Variants in LYST observed in about 807,000 individuals in gnomAD.
LYST encodes the protein lysosomal trafficking regulator.
In LYST, 192 loss-of-function variants were observed where a neutral mutation model predicts 413.6. That is an observed-to-expected ratio of 0.46 (90% CI 0.41 to 0.52). The LOEUF is 0.52. Among genes scored for constraint, LYST ranks in the 20% least tolerant of loss-of-function variants. The pLI is 0.00. For synonymous variants in LYST, 1,525 were observed against 1,567.3 expected, an observed-to-expected ratio of 0.97 and a Z score of 0.64; for missense variants, 3,815 against 4,499.9, an observed-to-expected ratio of 0.85 and a Z score of 4.35.
At chr1:235,830,495 T>C in intron 2 of LYST, 71 bp from the exon 3 acceptor site, 1 of 1,228,544 alleles carries the variant, frequency 8.1e-7, no homozygotes, top group Non-Finnish European at 1.2e-6. Context: ...AACTATGTGT[T>C]TTTGTTGTTT....
At chr1:235,781,806 G>T in intron 15 of LYST, 121 bp downstream of exon 15, 2 of 704,412 alleles carry the variant, frequency 2.8e-6, no homozygotes, top group Non-Finnish European at 5.1e-6. Context: ...ATTTTAGCCA[G>T]GTTAATTTAC....
In LYST at chr1:235,704,267, T is replaced by C. The variant is rs568421220; in HGVS notation, c.10144-1290A>G. ...AATGATTTACATTCTTTTGGGTATA[T>C]ACCTAGTAAAGGGATTGCTGGGTAG... On this transcript the variant is annotated intron_variant, in intron 44 of 52. Coordinates refer to ENST00000389793, the MANE Select transcript of LYST (RefSeq NM_000081.4). 3.9e-5 allele frequency among the ~76,000 whole-genome samples: 6 copies of C among 152,316 alleles called. No homozygotes were observed. The South Asian group carries it at 8.3e-4, about 21-fold the overall frequency.
rs1313884587 is a variant in LYST at position 235,666,633 on chromosome 1, CACAT to C, written c.11039-2016_11039-2013del. On this transcript the variant is annotated intron_variant, in intron 50 of 52. Coordinates refer to ENST00000389793, the MANE Select transcript of LYST (RefSeq NM_000081.4). ...ACACACACACACACACACACACACA[CACAT>C]GCCCAATGTTCTACTAAGTTTTCCC... 2.5e-3 allele frequency among the ~76,000 whole-genome samples: 381 copies of C among 151,480 alleles called. 1 individual carries two copies. The highest frequency in any genetic ancestry group is 8.7e-3 in the African/African-American group (359 of 41,036).
rs982676844 is a variant in LYST, at chr1:235,680,426, T to A, written c.10801-2807A>T. On this transcript the variant is annotated intron_variant, in intron 48 of 52. Transcript: ENST00000389793. The stretch of plus-strand genomic sequence containing the variant: ...TGCACTACCATGCCCAACTACTTTT[T>A]AAATTTTTTTTTTTTTGTGGAGATA... Among the ~76,000 whole-genome samples the A allele has an allele frequency of 8.0e-5, 12 of 150,240 alleles. No homozygotes were observed. The East Asian group carries it at 1.4e-3, about 17-fold the overall frequency.
chr1:235,847,894 A>T (rs1678062100), intron 1 of LYST, among the ~76,000 whole-genome samples: 1 of 152,176 alleles, frequency 6.6e-6, no homozygotes, highest in Non-Finnish European at 1.5e-5. Context: ...TTTATAAAAC[A>T]ATTACTAATA....
Position 235,741,590 on chromosome 1 carries a change from A to G in LYST, c.8190T>C (p.Thr2730=), listed in dbSNP as rs1395281429. The G allele has an allele frequency of 1.2e-6, 2 of 1,614,148 alleles. No individual in the cohort carries two copies. Among genetic ancestry groups the G allele is most frequent in the Non-Finnish European group, 1.7e-6 (2 of 1,179,986 alleles). The part of the protein sequence containing the change: ...SKASGSKQQW[T]KILWSCKETF... The stretch of plus-strand genomic sequence containing the variant: ...TCTCCTTACAAGACCACAGAATTTT[A>G]GTCCATTGCTGCTTGGAACCACTGG... Residue 2730 remains threonine (T), a synonymous_variant, in exon 31 of 53, where the codon ACT becomes ACC. Coordinates refer to ENST00000389793, the MANE Select transcript of LYST (RefSeq NM_000081.4).
At chr1:235,720,231 T>C (rs1663242048) in intron 40 of LYST, among the ~76,000 whole-genome samples, 1 of 127,846 alleles carries the variant, frequency 7.8e-6, no homozygotes, top group Admixed American at 8.0e-5. Flanking sequence ...TTCAGAGATA[T>C]AGCAACCAAA....
chr1:235,869,289 G>C (rs933224542), upstream of LYST, among the ~76,000 whole-genome samples: 1 of 152,152 alleles, frequency 6.6e-6, no homozygotes, highest in African/African-American at 2.4e-5. Flanking sequence ...TGGCTAACAC[G>C]GTGAAACCCC....
Position 235,734,907 on chromosome 1 carries a change from A to G in LYST, c.8359-248T>C, listed in dbSNP as rs1664693592. On this transcript the variant is annotated intron_variant, in intron 31 of 52. Transcript: ENST00000389793. ...GTTACATAGGAAAACATTTAAAAAA[A>G]AGAATTTAGAGGTAAAATATCATAA... 1.3e-5 allele frequency: 4 copies of G among 301,036 alleles called. No individual in the cohort carries two copies. In the Admixed American group the frequency reaches 1.8e-4, roughly 14 times the overall value. 18.6% of individuals were successfully genotyped at this position (301,036 alleles called of 1,614,324 possible). A position where few individuals can be genotyped will look rare whatever the true frequency, so the allele number is the denominator to read the frequency against.
intron 48 of LYST, among the ~76,000 whole-genome samples, chr1:235,684,242 T>A (rs1197370048): frequency 6.6e-6 from 1 of 152,148 alleles, no homozygotes; most frequent in Admixed American, 6.6e-5. Context: ...CTTTTTTTTT[T>A]AAACCTGTAC....
chr1:235,780,761 A>G lies in LYST; in HGVS notation c.5214+104T>C, dbSNP rs558560148. 5.8e-5 allele frequency: 26 copies of G among 449,724 alleles called. No individual in the cohort carries two copies. In the South Asian group the frequency reaches 2.1e-3, roughly 36 times the overall value. 27.9% of individuals were successfully genotyped at this position (449,724 alleles called of 1,614,324 possible). ...ATTCTAAGAAAAGAAAATGATAAGG[A>G]ACCACATTAAAATCTTTAGAAATCT... On this transcript the variant is annotated intron_variant, in intron 16 of 52. Coordinates refer to ENST00000389793, the MANE Select transcript of LYST (RefSeq NM_000081.4).
chr1:235,799,416 C>T (rs754911934), intron 10 of LYST, among the ~76,000 whole-genome samples: 1 of 152,160 alleles, frequency 6.6e-6, no homozygotes, highest in Non-Finnish European at 1.5e-5. Context: ...CAAACACCTC[C>T]TTAACCACAT....
intron 31 of LYST, chr1:235,737,996 T>G (rs1310317923): frequency 6.8e-7 from 1 of 1,462,996 alleles, no homozygotes; most frequent in Non-Finnish European, 9.1e-7. Flanking sequence ...TCCAATATAC[T>G]CTCAAGTATA....
At chr1:235,742,142 G>A (rs371905334) in intron 30 of LYST, among the ~76,000 whole-genome samples, 11 of 151,994 alleles carry the variant, frequency 7.2e-5, no homozygotes, top group South Asian at 2.1e-4. Context: ...TATTGGGCAC[G>A]GAGTTTCATT....
Position 235,808,709 on chromosome 1 carries a change from T to C in LYST, c.2109A>G (p.Glu703=). 6.2e-7 allele frequency: 1 copy of C among 1,614,048 alleles called. No individual in the cohort carries two copies. The highest frequency in any genetic ancestry group is 8.5e-7 in the Non-Finnish European group (1 of 1,179,994). The change falls in exon 5 of 53, where the codon GAA becomes GAG. Residue 703 remains glutamate, a synonymous_variant. Coordinates refer to ENST00000389793, the MANE Select transcript of LYST (RefSeq NM_000081.4). ...CAATCTGTATACTATGTAATCTGTC[T>C]TCTTCAAAAACAAAGTTCTGATAAG... ...LKAYQNFVFE[E]DRLHSIQIAN...
At chr1:235,803,112 T>C (rs887913368) in intron 7 of LYST, 48 bp from the exon 8 acceptor site, 2 of 1,463,770 alleles carry the variant, frequency 1.4e-6, no homozygotes, top group African/African-American at 2.8e-5. Context: ...TTGTTTTTAG[T>C]AATAGAATAC....
At chr1:235,869,103 T>G (rs1201578029), upstream of LYST, among the ~76,000 whole-genome samples, 1 of 152,178 alleles carries the variant, frequency 6.6e-6, no homozygotes, top group East Asian at 1.9e-4. Context: ...TTAAAAGATT[T>G]CCTAGGAACA....
At chr1:235,734,401 C>G in intron 32 of LYST, 82 bp downstream of exon 32, 1 of 1,039,874 alleles carries the variant, frequency 9.6e-7, no homozygotes, top group Non-Finnish European at 1.5e-6. Context: ...TCAATGATAG[C>G]CTGTTCTTAA....
chr1:235,813,308 A>C (rs1673659361), intron 3 of LYST, among the ~76,000 whole-genome samples: 1 of 152,222 alleles, frequency 6.6e-6, no homozygotes, highest in Admixed American at 6.5e-5. Context: ...TGATATTTCC[A>C]AAAATAGCTG....
Sources: gnomAD v4.1 joint callset for allele counts (sites outside exome capture counted in the v4.1 genomes callset) on GRCh38, gnomAD v4.1.1 for gene constraint, MANE v1.5 for transcripts, NCBI Gene and HGNC (gene_info 2026-07-23, HGNC 2026-07-21) for gene names.